Variants in ABHD8 observed in about 807,000 individuals in gnomAD.
ABHD8 encodes the protein protein ABHD8.
In ABHD8, 10 loss-of-function variants were observed where a neutral mutation model predicts 29.3. That is an observed-to-expected ratio of 0.34 (90% CI 0.21 to 0.58). The LOEUF (loss-of-function observed/expected upper bound fraction) is 0.58, where lower values mean the gene tolerates loss of function less well. Ranked by LOEUF, ABHD8 falls within the 20% of genes least tolerant of loss-of-function variation. ABHD8 has a pLI of 0.85. For synonymous variants in ABHD8, 282 were observed against 274.6 expected (o/e 1.03, Z -0.27); for missense variants, 556 against 615.3 (o/e 0.90, Z 1.02).
At chr19:17,298,735 CTTTTTTTTTT>C (rs34731394) in intron 2 of ABHD8, among the ~76,000 whole-genome samples, 6 of 70,422 alleles carry the variant, frequency 8.5e-5, no homozygotes, top group African/African-American at 3.6e-4. Context: ...AACAACACTG[CTTTTTTTTTT>C]TTTTTTTTTT....
At chr19:17,302,213 C>G (rs62126256) in intron 1 of ABHD8, 52,202 of 152,042 alleles carry the variant, frequency 0.34, 9,491 homozygotes, top group South Asian at 0.42. Context: ...AAGGTGGTGG[C>G]GTCTTGTGTG....
intron 4 of ABHD8, among the ~76,000 whole-genome samples, chr19:17,293,947 T>C (rs563246669): frequency 2.6e-5 from 4 of 152,264 alleles, no homozygotes; most frequent in Admixed American, 2.6e-4. Context: ...AAAGATCCCC[T>C]GGTGCCGGTC....
intron 2 of ABHD8, among the ~76,000 whole-genome samples, chr19:17,299,242 C>CCCG (rs2074106584): frequency 1.4e-5 from 2 of 147,046 alleles, no homozygotes; most frequent in South Asian, 2.2e-4. Context: ...AGACCCCCCC[C>CCCG]CCATTCTCTA....
chr19:17,298,441 G>C (rs897089384), intron 2 of ABHD8: 1 of 152,124 alleles, frequency 6.6e-6, no homozygotes, highest in Non-Finnish European at 1.5e-5. Flanking sequence ...CCATGCCTTT[G>C]TAAATGCCTA....
At position 17,301,114 on chromosome 19, in the gene ABHD8, C is replaced by A; in HGVS notation, c.503G>T (p.Ser168Ile). The A allele has an allele frequency of 6.2e-7, 1 of 1,613,208 alleles. No individual in the cohort carries two copies. ...CACGTCGGCCTGGGCGCCTTTGCAG[C>A]TAGTGATGCGCTTCTCACAGTCAAT... ...IHIDCEKRIT[S>I]CKGAQADVVL... Residue 168 changes from serine (S) to isoleucine (I), a missense_variant, in exon 2 of 5, where the codon AGC (serine) becomes ATC (isoleucine). Transcript: ENST00000247706.
At chr19:17,299,560 C>CA (rs567760409) in intron 2 of ABHD8, among the ~76,000 whole-genome samples, 3,644 of 50,248 alleles carry the variant, frequency 0.073, 245 homozygotes, top group African/African-American at 0.21. Flanking sequence ...GACTCCATCT[C>CA]AAAAAAAAAA....
rs1230328810 is a variant in ABHD8, at chr19:17,301,267, A to G, written c.350T>C (p.Leu117Pro). Residue 117 changes from leucine (L) to proline (P), a missense_variant, in exon 2 of 5, where the codon CTG becomes CCG. Leu to Pro is a moderately conservative substitution (Grantham distance 98, BLOSUM62 -3). This residue lies in a region of ABHD8 where 286 missense variants were observed against 261.4 expected (regional missense o/e 1.09). Transcript: ENST00000247706. ...QNGSGEPPAA[L>P]EVELADPAGS... is the part of the protein sequence containing the mutation. ...CGCCGGATCTGCCAGCTCCACCTCC[A>G]GGGCGGCCGGCGGCTCCCCAGAGCC... is the stretch of plus-strand genomic sequence containing the variant. The G allele has an allele frequency of 6.2e-7, 1 of 1,602,866 alleles. No homozygotes were observed. The highest frequency in any genetic ancestry group is 8.5e-7 in the Non-Finnish European group (1 of 1,177,932).
chr19:17,299,722 A>T (rs528750235), intron 2 of ABHD8, among the ~76,000 whole-genome samples: 162 of 152,072 alleles, frequency 1.1e-3, no homozygotes, highest in African/African-American at 3.7e-3. Context: ...AGAAAAAAAA[A>T]TTTTAAAAAT....
At chr19:17,299,134 G>A (rs922916970) in intron 2 of ABHD8, among the ~76,000 whole-genome samples, 34 of 152,060 alleles carry the variant, frequency 2.2e-4, no homozygotes, top group African/African-American at 7.0e-4. Flanking sequence ...TTTCAGCCTG[G>A]TATAGCGGCT....
chr19:17,301,775 T>TG (rs1491163773), intron 1 of ABHD8, among the ~76,000 whole-genome samples, 151 bp from the exon 2 acceptor site: 15 of 96,314 alleles, frequency 1.6e-4, no homozygotes, highest in East Asian at 6.5e-4. Context: ...GATTTTTTTG[T>TG]TTGTGTGTGT....
At position 17,292,364 on chromosome 19, in the gene ABHD8, T is replaced by C. The variant is rs1436682634; in HGVS notation, c.*297A>G. On this transcript the variant is annotated 3_prime_UTR_variant, in exon 5 of 5. Coordinates refer to ENST00000247706, the MANE Select transcript of ABHD8 (RefSeq NM_024527.5). ...CGGGGTGGGGGGCCTGCCTTGGCCG[T>C]GGCGTTGGGGGGAAGGTGAGGGAGA... 2.3e-6 allele frequency: 1 copy of C among 432,518 alleles called. No homozygotes were observed. The highest frequency in any genetic ancestry group is 3.6e-5 in the East Asian group (1 of 27,828). The allele number at this position is 432,518 out of a possible 1,614,324, so 26.8% of individuals were successfully genotyped here.
intron 2 of ABHD8, among the ~76,000 whole-genome samples, chr19:17,300,225 C>T (rs564578189): frequency 6.6e-6 from 1 of 150,606 alleles, no homozygotes; most frequent in South Asian, 2.1e-4. Flanking sequence ...TTTTAAAGAG[C>T]GACAGGTTCT....
chr19:17,300,876 C>G lies in ABHD8; in HGVS notation c.741G>C (p.Val247=). ...IFKRYAKKRN[V]LIGHSYGVSF... is the part of the protein sequence containing the mutation. Reference sequence around the variant, plus strand: ...CTTACCCGTAGGAATGGCCAATGAGCACATTTCGCTTCTTGGCATAGCGCT... The same window carrying G: ...CTTACCCGTAGGAATGGCCAATGAGGACATTTCGCTTCTTGGCATAGCGCT... Residue 247 remains valine, a synonymous_variant, in exon 2 of 5, where the codon GTG becomes GTC. Coordinates refer to ENST00000247706, the MANE Select transcript of ABHD8 (RefSeq NM_024527.5). The G allele has an allele frequency of 6.3e-7, 1 of 1,597,796 alleles. No homozygotes were observed. The highest frequency in any genetic ancestry group is 8.6e-7 in the Non-Finnish European group (1 of 1,168,304).
Position 17,301,366 on chromosome 19 carries a change from A to T in ABHD8, c.251T>A (p.Val84Glu). ...CACCAGCAACCGCCCATTGCGGTACACGGTGATCCGGCGCTGACAGCGGAC... is the reference window on the plus strand; with the variant it reads ...CACCAGCAACCGCCCATTGCGGTACTCGGTGATCCGGCGCTGACAGCGGAC... ...GLVRCQRRIT[V>E]YRNGRLLVEN... Residue 84 changes from valine to glutamate, a missense_variant, in exon 2 of 5, where the codon GTG (valine) becomes GAG (glutamate). Transcript: ENST00000247706. The T allele has an allele frequency of 6.2e-7, 1 of 1,610,900 alleles. No individual in the cohort carries two copies.
At chr19:17,297,545 C>T (rs1180525207) in intron 2 of ABHD8, among the ~76,000 whole-genome samples, 3 of 152,124 alleles carry the variant, frequency 2.0e-5, no homozygotes, top group Non-Finnish European at 2.9e-5. Context: ...CCGCCTGCCT[C>T]GGCCTCCAAA....
Position 17,301,405 on chromosome 19 carries a change from TC to T in ABHD8, c.211del (p.Asp71ThrfsTer131). ...SSASSDAAQG[D>X]LSGLVRCQRR... The stretch of plus-strand genomic sequence containing the variant: ...CTGACAGCGGACCAAGCCGGAGAGG[TC>T]CCCCTGGGCTGCATCCGAGGATGCG... On this transcript the variant is annotated frameshift_variant, in exon 2 of 5. Coordinates refer to ENST00000247706, the MANE Select transcript of ABHD8 (RefSeq NM_024527.5). LOFTEE classifies it high-confidence loss of function. 6.2e-7 allele frequency: 1 copy of T among 1,611,646 alleles called. No homozygotes were observed. Among genetic ancestry groups the T allele is most frequent in the Non-Finnish European group, 8.5e-7 (1 of 1,179,836 alleles).
At chr19:17,296,173 AAG>A (rs1277301714) in intron 2 of ABHD8, 1 of 152,000 alleles carries the variant, frequency 6.6e-6, no homozygotes, top group African/African-American at 2.4e-5. Flanking sequence ...ACTTATTTTG[AAG>A]AGAGAATCTG....
chr19:17,295,231 G>A (rs533376396), intron 2 of ABHD8, among the ~76,000 whole-genome samples: 2 of 148,898 alleles, frequency 1.3e-5, no homozygotes, highest in African/African-American at 5.0e-5. Flanking sequence ...TCAGCCTCCC[G>A]AGTAGCTGGG....
chr19:17,292,673 T>G lies in ABHD8; in HGVS notation c.1308A>C (p.Glu436Asp), dbSNP rs763458545. The G allele has an allele frequency of 3.1e-6, 5 of 1,610,926 alleles. No individual in the cohort carries two copies. The highest frequency in any genetic ancestry group is 4.2e-6 in the Non-Finnish European group (5 of 1,179,148). The change falls in exon 5 of 5, where the codon GAA becomes GAC. Residue 436 changes from glutamate (E) to aspartate (D), a missense_variant. Physicochemically the swap from Glu to Asp is conservative, Grantham distance 45. This residue lies in a region of ABHD8 where 270 missense variants were observed against 353.9 expected (regional missense o/e 0.76). Transcript: ENST00000247706. ...GCCGGCCCAGCGGCTACTTCTTGTC[T>G]TCTGGAGGCGCCGGCAGTGGCTCCG... is the stretch of plus-strand genomic sequence containing the variant. The part of the protein sequence containing the change: ...ALPEPLPAPP[E>D]DKK
Sources: gnomAD v4.1 joint callset for allele counts (sites outside exome capture counted in the v4.1 genomes callset) on GRCh38, gnomAD v4.1.1 for gene constraint, gnomAD v4.1.1 regional missense constraint, MANE v1.5 for transcripts, NCBI Gene and HGNC (gene_info 2026-07-23, HGNC 2026-07-21) for gene names.